CEP85: variants seen among roughly 807,000 people sequenced by gnomAD.
CEP85 encodes the protein centrosomal protein 85.
CEP85 carries 58 observed loss-of-function variants against 93.7 expected under a neutral mutation model. That is an observed-to-expected ratio of 0.62 (90% CI 0.50 to 0.77). CEP85 has a LOEUF of 0.77. Ranked by LOEUF, CEP85 falls within the 30% of genes least tolerant of loss-of-function variation. CEP85 has a pLI of 0.00. For synonymous variants in CEP85, 314 were observed against 338.6 expected, an observed-to-expected ratio of 0.93 and a Z score of 0.80; for missense variants, 868 against 922.0, an observed-to-expected ratio of 0.94 and a Z score of 0.76.
chr1:26,271,790 T>C (rs10902728), intron 10 of CEP85: 152,066 of 533,174 alleles, frequency 0.29, 22,644 homozygotes, highest in Middle Eastern at 0.34. Flanking sequence ...GGTTATGTGT[T>C]CACACTACAT....
intron 1 of CEP85, among the ~76,000 whole-genome samples, chr1:26,238,513 T>G (rs2089368023): frequency 6.6e-6 from 1 of 152,084 alleles, no homozygotes; most frequent in African/African-American, 2.4e-5. Context: ...CCCAAACTCT[T>G]TTGGGGCTTT....
intron 3 of CEP85, among the ~76,000 whole-genome samples, chr1:26,253,127 T>A (rs1211253912): frequency 6.6e-6 from 1 of 152,214 alleles, no homozygotes; most frequent in African/African-American, 2.4e-5. Context: ...TTTCCTTATC[T>A]GTTCGTCTGT....
rs1272719683 is a variant in CEP85 at position 26,244,274 on chromosome 1, G to T, written c.164G>T (p.Ser55Ile). 1 of 1,613,990 alleles carries T rather than the reference G, an allele frequency of 6.2e-7. No homozygotes were observed. The change falls in exon 3 of 14, where the codon AGT becomes ATT. Residue 55 changes from serine (S) to isoleucine (I), a missense_variant. Transcript: ENST00000451429. ...AGCCGCTGTTCAAGTGTAGCCGACA[G>T]TGGGGACACAGCCATTGGTACATCA... Reference protein sequence around the residue: ...RFSRCSSVADSGDTAIGTSCS... With the variant: ...RFSRCSSVADIGDTAIGTSCS...
intron 1 of CEP85, among the ~76,000 whole-genome samples, chr1:26,237,091 A>G (rs1307455276): frequency 1.3e-5 from 2 of 152,146 alleles, no homozygotes; most frequent in African/African-American, 2.4e-5. Flanking sequence ...GTAGGACTCC[A>G]CCACCACTAC....
Position 26,277,333 on chromosome 1 carries a change from T to C in CEP85, c.*40T>C, listed in dbSNP as rs1160060336. On this transcript the variant is annotated 3_prime_UTR_variant, in exon 14 of 14. Coordinates refer to ENST00000451429, the MANE Select transcript of CEP85 (RefSeq NM_001319944.2). ...TTCCCCCAGGGAGGAGCTGGGCTGC[T>C]GAGAGCCTAGTCCAGCAGGTTTCTG... 6.3e-7 allele frequency: 1 copy of C among 1,581,800 alleles called. No homozygotes were observed. The highest frequency in any genetic ancestry group is 2.3e-5 in the East Asian group (1 of 44,342).
intron 11 of CEP85, among the ~76,000 whole-genome samples, chr1:26,273,619 G>A (rs534609512): frequency 1.1e-4 from 17 of 152,218 alleles, no homozygotes; most frequent in African/African-American, 4.1e-4. Context: ...AGGTGAGGCC[G>A]GACACGGTGG....
chr1:26,261,061 G>A (rs1186623476), intron 7 of CEP85, among the ~76,000 whole-genome samples: 2 of 151,646 alleles, frequency 1.3e-5, no homozygotes, highest in African/African-American at 2.4e-5. Context: ...AAAGTGCTGG[G>A]ATTACAGATG....
In CEP85 at chr1:26,244,274, G is replaced by A; in HGVS notation, c.164G>A (p.Ser55Asn). ...AGCCGCTGTTCAAGTGTAGCCGACA[G>A]TGGGGACACAGCCATTGGTACATCA... is the stretch of plus-strand genomic sequence containing the variant. ...RFSRCSSVAD[S>N]GDTAIGTSCS... The change falls in exon 3 of 14, where the codon AGT becomes AAT. Residue 55 changes from serine to asparagine, a missense_variant. Transcript: ENST00000451429. 2 of 1,614,108 alleles carry A rather than the reference G, an allele frequency of 1.2e-6. No individual in the cohort carries two copies. The highest frequency in any genetic ancestry group is 1.7e-5 in the Admixed American group (1 of 60,002).
intron 2 of CEP85, among the ~76,000 whole-genome samples, chr1:26,241,137 G>A (rs750198992): frequency 1.8e-4 from 27 of 151,864 alleles, no homozygotes; most frequent in Non-Finnish European, 3.2e-4. Flanking sequence ...CTTACTCAGC[G>A]TAGATATTTG....
intron 8 of CEP85, 44 bp from the exon 9 acceptor site, chr1:26,269,416 A>G: frequency 6.3e-7 from 1 of 1,594,230 alleles, no homozygotes; most frequent in Non-Finnish European, 8.6e-7. Flanking sequence ...TTGCATTTAT[A>G]ACACTTGGCT....
intron 3 of CEP85, among the ~76,000 whole-genome samples, chr1:26,251,251 G>GTTTTTTT (rs34370061): frequency 1.8e-5 from 2 of 113,670 alleles, no homozygotes. Context: ...CCCAAGCTTG[G>GTTTTTTT]TTTTTTTTTT....
rs115158031 is a variant in CEP85, at chr1:26,275,186, A to G, written c.1902+115A>G. On this transcript the variant is annotated intron_variant, in intron 12 of 13. Transcript: ENST00000451429. ...CAGTGTTTGAAAGGGAAAGGTCCCT[A>G]CTGAGCTCTGGGGGCAGAGGAAAGG... 1,281 of 720,850 alleles carry G rather than the reference A, an allele frequency of 1.8e-3. 14 individuals are homozygous for G. In the African/African-American group the frequency reaches 0.021, roughly 12 times the overall value. 44.7% of individuals were successfully genotyped at this position (720,850 alleles called of 1,614,324 possible).
intron 3 of CEP85, among the ~76,000 whole-genome samples, chr1:26,248,722 C>CTTTTTGTT (rs2089551091): frequency 1.8e-5 from 1 of 56,194 alleles, no homozygotes; most frequent in Non-Finnish European, 2.9e-5. Flanking sequence ...GTCTTGAACT[C>CTTTTTGTT]TTTTTTTTTT....
chr1:26,234,626 C>T (rs561296348), intron 1 of CEP85, among the ~76,000 whole-genome samples: 3 of 152,346 alleles, frequency 2.0e-5, no homozygotes, highest in Admixed American at 6.5e-5. Context: ...AGCGCACAGC[C>T]CTGGGAGTCG....
intron 6 of CEP85, 67 bp from the exon 7 acceptor site, chr1:26,259,550 G>T: frequency 7.2e-7 from 1 of 1,384,752 alleles, no homozygotes; most frequent in Non-Finnish European, 9.8e-7. Context: ...AAGTATGCTG[G>T]GAATAAGTAA....
In CEP85 at chr1:26,248,722, C is replaced by CTTTTTTTTTTTTTTTTTTTTT. The variant is rs573449499; in HGVS notation, c.208+4406_208+4426dup. Among the ~76,000 whole-genome samples the CTTTTTTTTTTTTTTTTTTTTT allele has an allele frequency of 4.3e-4, 24 of 56,212 alleles. 7 individuals are homozygous for CTTTTTTTTTTTTTTTTTTTTT. The highest frequency in any genetic ancestry group is 9.3e-4 in the Admixed American group (3 of 3,224). 36.9% of individuals were successfully genotyped at this position (56,212 alleles called of 152,430 possible). A position where few individuals can be genotyped will look rare whatever the true frequency, so the allele number is the denominator to read the frequency against. ...TGTTGGCCAGTCTGGGTCTTGAACT[C>CTTTTTTTTTTTTTTTTTTTTT]TTTTTTTTTTTTTTTTTTTTTTGAG... On this transcript the variant is annotated intron_variant, in intron 3 of 13. Coordinates refer to ENST00000451429, the MANE Select transcript of CEP85 (RefSeq NM_001319944.2).
intron 11 of CEP85, 39 bp from the exon 12 acceptor site, chr1:26,274,925 C>A (rs755353546): frequency 3.3e-6 from 5 of 1,496,842 alleles, no homozygotes; most frequent in South Asian, 2.4e-5. Flanking sequence ...GACTTGTTAC[C>A]CCTACTGTGT....
intron 12 of CEP85, among the ~76,000 whole-genome samples, chr1:26,275,562 A>C (rs2124616971): frequency 6.6e-6 from 1 of 152,340 alleles, no homozygotes; most frequent in Admixed American, 6.5e-5. Flanking sequence ...TACAGTCGTG[A>C]GCCACTGCGC....
At chr1:26,260,262 G>A (rs1223868052) in intron 7 of CEP85, among the ~76,000 whole-genome samples, 13 of 152,094 alleles carry the variant, frequency 8.5e-5, no homozygotes, top group Non-Finnish European at 1.8e-4. Context: ...AGGCTGAAAC[G>A]GGTGGATCAC....
Sources: gnomAD v4.1 joint callset for allele counts (sites outside exome capture counted in the v4.1 genomes callset) on GRCh38, gnomAD v4.1.1 for gene constraint, MANE v1.5 for transcripts, NCBI Gene and HGNC (gene_info 2026-07-23, HGNC 2026-07-21) for gene names.